The following AGAP1 variants were observed in gnomAD, a reference collection of about 807,000 sequenced individuals.
The protein encoded by AGAP1 is arf-GAP with GTPase, ANK repeat and PH domain-containing protein 1.
Under a neutral mutation model 105.3 loss-of-function variants are expected in AGAP1, and 29 were observed. That is an observed-to-expected ratio of 0.28 (90% confidence interval 0.21 to 0.38). The LOEUF is 0.38. Among genes scored for constraint, AGAP1 ranks in the 10% least tolerant of loss-of-function variants. AGAP1 has a pLI of 1.00. For missense variants in AGAP1, 998 were observed against 1,165.1 expected, an observed-to-expected ratio of 0.86 and a Z score of 2.09; for synonymous variants, 509 against 485.9, an observed-to-expected ratio of 1.05 and a Z score of -0.63.
intron 1 of AGAP1, among the ~76,000 whole-genome samples, chr2:235,576,577 C>T (rs764351557): frequency 6.6e-6 from 1 of 152,168 alleles, no homozygotes; most frequent in Admixed American, 6.5e-5. Flanking sequence ...TGGTTGACTG[C>T]AGTGTTCCCA....
chr2:235,940,476 A>G lies in AGAP1; in HGVS notation c.1483+9553A>G, dbSNP rs373348900. On this transcript the variant is annotated intron_variant, in intron 12 of 17. Transcript: ENST00000304032. ...ACCCCTGTTTTTTGACCGCCTCTCC[A>G]TGGCTCCAGCCGGCGGCTTTGCTGA... 3.2e-3 allele frequency among the ~76,000 whole-genome samples: 481 copies of G among 152,216 alleles called. 4 individuals are homozygous for G. In the South Asian group the frequency reaches 0.045, roughly 14 times the overall value.
chr2:235,752,470 C>T lies in AGAP1; in HGVS notation c.673+1982C>T, dbSNP rs942047725. On this transcript the variant is annotated intron_variant, in intron 6 of 17. Coordinates refer to ENST00000304032, the MANE Select transcript of AGAP1 (RefSeq NM_001037131.3). The surrounding 1 kb of genome is among the most constrained non-coding windows in gnomAD (Gnocchi z 4.3). Reference sequence around the variant, plus strand: ...CTAGGATTATAGGCATGAGCCACCGCGCCTGGCTGTAAATAGACTTTTCAT... The same window carrying T: ...CTAGGATTATAGGCATGAGCCACCGTGCCTGGCTGTAAATAGACTTTTCAT... 7.9e-5 allele frequency among the ~76,000 whole-genome samples: 12 copies of T among 152,166 alleles called. No individual in the cohort carries two copies. Among genetic ancestry groups the T allele is most frequent in the Admixed American group, 2.6e-4 (4 of 15,288 alleles).
chr2:236,011,127 G>A (rs1294556049), intron 13 of AGAP1, among the ~76,000 whole-genome samples: 1 of 152,230 alleles, frequency 6.6e-6, no homozygotes, highest in Non-Finnish European at 1.5e-5. Context: ...CCAGCAGTCG[G>A]TGGTGATTCC....
rs1436013271 is a variant in AGAP1, at chr2:236,085,240, AT to A, written c.2115-34947del. Reference sequence around the variant, plus strand: ...CAAAAAAAAAAAAAAAAAAAAAAAAATTTTTATTTACCCAATTCTGTGACTG... The same window carrying A: ...CAAAAAAAAAAAAAAAAAAAAAAAAATTTTATTTACCCAATTCTGTGACTG... On this transcript the variant is annotated intron_variant, in intron 16 of 17. Transcript: ENST00000304032. 8.3e-4 allele frequency among the ~76,000 whole-genome samples: 124 copies of A among 149,486 alleles called. 1 individual carries two copies. Among genetic ancestry groups the A allele is most frequent in the Non-Finnish European group, 1.0e-3 (70 of 67,344 alleles).
At chr2:236,048,591 A>G (rs1366976971) in intron 15 of AGAP1, among the ~76,000 whole-genome samples, 3 of 152,178 alleles carry the variant, frequency 2.0e-5, no homozygotes, top group Non-Finnish European at 2.9e-5. Context: ...GGAAACTTTG[A>G]TGTGCCAGTG....
intron 4 of AGAP1, among the ~76,000 whole-genome samples, chr2:235,743,237 G>C (rs893780384): frequency 1.3e-5 from 2 of 152,202 alleles, no homozygotes; most frequent in African/African-American, 4.8e-5. Flanking sequence ...GTTATTTATT[G>C]GGTGCCCCCC....
intron 13 of AGAP1, among the ~76,000 whole-genome samples, chr2:236,010,327 TTCTG>T (rs2125557841): frequency 6.6e-6 from 1 of 152,352 alleles, no homozygotes; most frequent in South Asian, 2.1e-4. Flanking sequence ...CACTTTCCCC[TTCTG>T]TCTGTCTTTG....
chr2:235,834,216 C>G lies in AGAP1; in HGVS notation c.1050+26885C>G, dbSNP rs561643083. ...GAGAAAAGTTCCAGGTTTTCTTTAG[C>G]TACTTCCACAGGTACACAGAGGTGT... On this transcript the variant is annotated intron_variant, in intron 9 of 17. Transcript: ENST00000304032. Among the ~76,000 whole-genome samples, 4 of 152,288 alleles carry G rather than the reference C, an allele frequency of 2.6e-5. No homozygotes were observed. In the East Asian group the frequency reaches 7.7e-4, roughly 29 times the overall value.
At chr2:235,902,339 T>C (rs1049461843) in intron 10 of AGAP1, among the ~76,000 whole-genome samples, 6 of 152,214 alleles carry the variant, frequency 3.9e-5, no homozygotes, top group Non-Finnish European at 8.8e-5. Context: ...CAATGTGAAA[T>C]CACTATTTTT....
In AGAP1 at chr2:235,951,149, TAAAG is replaced by T. The variant is rs1314448556; in HGVS notation, c.1484-17310_1484-17307del. ...TTCTTATTTTGTGGAAAATACGAAA[TAAAG>T]AAGACACATTTGGCCACTGTGATGG... On this transcript the variant is annotated intron_variant, in intron 12 of 17. Coordinates refer to ENST00000304032, the MANE Select transcript of AGAP1 (RefSeq NM_001037131.3). This position sits in a 1 kb window ranked among gnomAD's most constrained non-coding sequence, Gnocchi z 4.2. 2.0e-5 allele frequency among the ~76,000 whole-genome samples: 3 copies of T among 152,186 alleles called. No homozygotes were observed. The highest frequency in any genetic ancestry group is 4.8e-5 in the African/African-American group (2 of 41,444).
rs964913602 is a variant in AGAP1 at position 235,982,045 on chromosome 2, A to C, written c.1645+13422A>C. On this transcript the variant is annotated intron_variant, in intron 13 of 17. Coordinates refer to ENST00000304032, the MANE Select transcript of AGAP1 (RefSeq NM_001037131.3). This position sits in a 1 kb window ranked among gnomAD's most constrained non-coding sequence, Gnocchi z 4.9. ...CAACCATAAAAACTTCTGACATTTTACCCGAGGCTGTGCTTCAGCAGATTG... is the reference window on the plus strand; with the variant it reads ...CAACCATAAAAACTTCTGACATTTTCCCCGAGGCTGTGCTTCAGCAGATTG... Among the ~76,000 whole-genome samples the C allele has an allele frequency of 6.6e-6, 1 of 152,248 alleles. No homozygotes were observed. The highest frequency in any genetic ancestry group is 1.5e-5 in the Non-Finnish European group (1 of 68,046).
In AGAP1 at chr2:236,055,972, G is replaced by A. The variant is rs551990735; in HGVS notation, c.2114+6691G>A. On this transcript the variant is annotated intron_variant, in intron 16 of 17. Coordinates refer to ENST00000304032, the MANE Select transcript of AGAP1 (RefSeq NM_001037131.3). This position sits in a 1 kb window ranked among gnomAD's most constrained non-coding sequence, Gnocchi z 6.2. ...TAAATATTAAGCCAATTAGGAAAATGTACAAATGAGAAGTACGTTAACACT... is the reference window on the plus strand; with the variant it reads ...TAAATATTAAGCCAATTAGGAAAATATACAAATGAGAAGTACGTTAACACT... Among the ~76,000 whole-genome samples the A allele has an allele frequency of 2.0e-5, 3 of 152,280 alleles. No homozygotes were observed. The South Asian group carries it at 6.2e-4, about 32-fold the overall frequency.
chr2:235,780,406 C>T (rs1008651936), intron 6 of AGAP1, among the ~76,000 whole-genome samples: 3 of 151,992 alleles, frequency 2.0e-5, no homozygotes, highest in Non-Finnish European at 4.4e-5. Context: ...GCCAAGTAAG[C>T]AAACTCAAAG....
chr2:236,041,004 A>T (rs2057533617), intron 15 of AGAP1, among the ~76,000 whole-genome samples, 163 bp downstream of exon 15: 1 of 152,194 alleles, frequency 6.6e-6, no homozygotes, highest in East Asian at 1.9e-4. Flanking sequence ...ACCTTAACAG[A>T]GTGCCTTCCA....
intron 1 of AGAP1, among the ~76,000 whole-genome samples, chr2:235,617,165 A>C (rs937235641): frequency 3.9e-5 from 6 of 152,168 alleles, no homozygotes; most frequent in African/African-American, 1.4e-4. Context: ...AAATGTTCTT[A>C]AAACACAAAA....
chr2:236,018,042 ATTT>A (rs965495188), intron 13 of AGAP1, among the ~76,000 whole-genome samples: 5 of 152,184 alleles, frequency 3.3e-5, no homozygotes, highest in African/African-American at 1.2e-4. Context: ...AAACAAAAAT[ATTT>A]TATCTTTTGT....
At chr2:235,907,901 T>C (rs1019377371) in intron 10 of AGAP1, among the ~76,000 whole-genome samples, 1 of 152,148 alleles carries the variant, frequency 6.6e-6, no homozygotes, top group Non-Finnish European at 1.5e-5. Flanking sequence ...AAGTAATATG[T>C]GTCCAGAATG....
In AGAP1 at chr2:235,834,609, G is replaced by C. The variant is rs147349215; in HGVS notation, c.1050+27278G>C. 7.6e-3 allele frequency among the ~76,000 whole-genome samples: 1,158 copies of C among 152,232 alleles called. 14 individuals are homozygous for C. Among genetic ancestry groups the C allele is most frequent in the African/African-American group, 0.027 (1,103 of 41,548 alleles). On this transcript the variant is annotated intron_variant, in intron 9 of 17. Transcript: ENST00000304032. ...TTTACCTGGAATGTCAGTTTTTTGG[G>C]TACCATCCACTGGAGTTCACATTCA...
At chr2:236,118,473 T>C (rs373713198) in intron 16 of AGAP1, among the ~76,000 whole-genome samples, 1 of 142,706 alleles carries the variant, frequency 7.0e-6, no homozygotes, top group Non-Finnish European at 1.5e-5. Context: ...CACTGCAACC[T>C]CTGCCTCCCG....
Sources: allele counts gnomAD v4.1 joint callset (sites outside exome capture counted in the v4.1 genomes callset), GRCh38; gene constraint gnomAD v4.1.1; non-coding constraint Gnocchi (gnomAD v3.1); transcripts MANE v1.5; gene names NCBI Gene and HGNC (gene_info 2026-07-23, HGNC 2026-07-21).